The following LRRTM4 variants were observed in gnomAD, a reference collection of about 807,000 sequenced individuals.
LRRTM4 encodes the protein leucine rich repeat transmembrane neuronal 4, also known as leucine-rich repeat transmembrane neuronal protein 4.
In LRRTM4, 25 loss-of-function variants were observed where a neutral mutation model predicts 47.6. The observed-to-expected ratio is 0.53, with a 90% confidence interval of 0.38 to 0.73. The LOEUF (loss-of-function observed/expected upper bound fraction) is 0.73, where lower values mean the gene tolerates loss of function less well. LRRTM4 is among the 30% of genes least tolerant of loss of function. The probability of loss-of-function intolerance (pLI) is 0.00; values close to 1 mark genes in which losing one functional copy is unlikely to be tolerated. For synonymous variants in LRRTM4, 311 were observed against 269.5 expected (o/e 1.15, Z -1.51); for missense variants, 638 against 713.4 (o/e 0.89, Z 1.20).
chr2:77,470,561 A>T (rs1440190895), intron 3 of LRRTM4, among the ~76,000 whole-genome samples: 2 of 152,172 alleles, frequency 1.3e-5, no homozygotes, highest in Non-Finnish European at 2.9e-5. Context: ...AAGGAATGTT[A>T]CATCAGGTGC....
At chr2:77,247,681 A>G (rs2104005582) in intron 3 of LRRTM4, among the ~76,000 whole-genome samples, 1 of 152,216 alleles carries the variant, frequency 6.6e-6, no homozygotes, top group South Asian at 2.1e-4. Flanking sequence ...GTGATTGCTA[A>G]GAGGTTGGAG....
At chr2:77,418,528 C>CA (rs1307949577) in intron 3 of LRRTM4, among the ~76,000 whole-genome samples, 1 of 152,150 alleles carries the variant, frequency 6.6e-6, no homozygotes, top group Non-Finnish European at 1.5e-5. Context: ...ATTCTGTGCT[C>CA]AAAAATTTCC....
At chr2:76,781,720 C>G (rs139456185) in intron 3 of LRRTM4, among the ~76,000 whole-genome samples, 1 of 151,566 alleles carries the variant, frequency 6.6e-6, no homozygotes. Flanking sequence ...TCCTCTGCGT[C>G]GCTCACGCTG....
At chr2:77,114,697 C>T (rs180874972) in intron 3 of LRRTM4, among the ~76,000 whole-genome samples, 1 of 152,140 alleles carries the variant, frequency 6.6e-6, no homozygotes. Context: ...AGAAATTTTA[C>T]AGCTGGGCCT....
chr2:77,392,604 G>T (rs1275150618), intron 3 of LRRTM4, among the ~76,000 whole-genome samples: 1 of 151,916 alleles, frequency 6.6e-6, no homozygotes, highest in East Asian at 1.9e-4. Flanking sequence ...TTATGGTAAG[G>T]GAAATAAGCC....
At chr2:77,193,564 C>A (rs916364642) in intron 3 of LRRTM4, among the ~76,000 whole-genome samples, 1 of 150,978 alleles carries the variant, frequency 6.6e-6, no homozygotes, top group Non-Finnish European at 1.5e-5. Context: ...AATCCCAGCA[C>A]TTTGGGAAGC....
chr2:77,489,433 G>T (rs1385960967), intron 3 of LRRTM4, among the ~76,000 whole-genome samples: 1 of 152,098 alleles, frequency 6.6e-6, no homozygotes, highest in Non-Finnish European at 1.5e-5. Context: ...CTGAATTACG[G>T]TTACAAAAAT....
chr2:77,104,978 A>G (rs1203675713), intron 3 of LRRTM4, among the ~76,000 whole-genome samples: 3 of 152,154 alleles, frequency 2.0e-5, no homozygotes, highest in Non-Finnish European at 2.9e-5. Flanking sequence ...AGAGAGTTCA[A>G]GAAAAGCCAC....
chr2:77,139,809 A>C (rs955249336), intron 3 of LRRTM4, among the ~76,000 whole-genome samples: 2 of 152,164 alleles, frequency 1.3e-5, no homozygotes, highest in Admixed American at 6.5e-5. Flanking sequence ...CAAAAATCAC[A>C]AGCATTCATA....
At chr2:77,317,691 G>T (rs557959317) in intron 3 of LRRTM4, among the ~76,000 whole-genome samples, 14 of 152,220 alleles carry the variant, frequency 9.2e-5, no homozygotes, top group African/African-American at 3.1e-4. Context: ...AGTGCACTGT[G>T]GTGGGGTGAG....
chr2:77,012,324 CAG>C (rs1677905428), intron 3 of LRRTM4, among the ~76,000 whole-genome samples: 1 of 151,858 alleles, frequency 6.6e-6, no homozygotes, highest in Non-Finnish European at 1.5e-5. Flanking sequence ...TATTATAACA[CAG>C]AGGTTTGAAA....
intron 3 of LRRTM4, among the ~76,000 whole-genome samples, chr2:77,122,811 A>T (rs1671554091): frequency 6.6e-6 from 1 of 151,910 alleles, no homozygotes; most frequent in African/African-American, 2.4e-5. Flanking sequence ...CAAAACTAAG[A>T]AATTCCACAA....
chr2:77,158,197 A>T (rs1450780784), intron 3 of LRRTM4, among the ~76,000 whole-genome samples: 1 of 152,158 alleles, frequency 6.6e-6, no homozygotes, highest in African/African-American at 2.4e-5. Context: ...CGTTTGCTTT[A>T]TAATAATTCA....
intron 3 of LRRTM4, among the ~76,000 whole-genome samples, chr2:77,251,511 T>G (rs1300944972): frequency 6.6e-6 from 1 of 152,198 alleles, no homozygotes; most frequent in African/African-American, 2.4e-5. Context: ...TCAGAAGTTA[T>G]AATAAACAAC....
Position 77,066,184 on chromosome 2 carries a change from A to G in LRRTM4, c.1552-317268T>C, listed in dbSNP as rs114504140. On this transcript the variant is annotated intron_variant, in intron 3 of 3. Coordinates refer to ENST00000409884, the MANE Select transcript of LRRTM4 (RefSeq NM_001134745.3). The stretch of plus-strand genomic sequence containing the variant: ...GATACTGAGTTAGATTGCTTATTAT[A>G]AATTCCTGGTTCTATTAATTTCTAT... Among the ~76,000 whole-genome samples the G allele has an allele frequency of 1.0e-2, 1,518 of 152,254 alleles. 28 individuals are homozygous for G. The highest frequency in any genetic ancestry group is 0.034 in the African/African-American group (1,418 of 41,562).
At chr2:76,827,711 C>T (rs1474664006) in intron 3 of LRRTM4, among the ~76,000 whole-genome samples, 1 of 151,836 alleles carries the variant, frequency 6.6e-6, no homozygotes, top group African/African-American at 2.4e-5. Context: ...ATATTGAGTA[C>T]TGATAAGATT....
At chr2:77,363,548 C>T (rs187789056) in intron 3 of LRRTM4, among the ~76,000 whole-genome samples, 2 of 152,114 alleles carry the variant, frequency 1.3e-5, no homozygotes, top group Non-Finnish European at 1.5e-5. Flanking sequence ...ATCAGGGCCA[C>T]GCATAATTGC....
intron 3 of LRRTM4, among the ~76,000 whole-genome samples, chr2:77,321,599 G>GAAAAAAC (rs143163855): frequency 0.41 from 59,637 of 145,176 alleles, 15,202 homozygotes; most frequent in African/African-American, 0.7. Flanking sequence ...AAAGAAAAAA[G>GAAAAAAC]AAATGAATTG....
rs1233307114 is a variant in LRRTM4, at chr2:76,974,199, T to TAC, written c.1552-225284_1552-225283insGT. Reference sequence around the variant, plus strand: ...ATATATATACATACATATATATACATATATATATATACACATATATATACA... The same window carrying TAC: ...ATATATATACATACATATATATACATACATATATATATACACATATATATACA... On this transcript the variant is annotated intron_variant, in intron 3 of 3. Transcript: ENST00000409884. Among the ~76,000 whole-genome samples the TAC allele has an allele frequency of 0.028, 2,668 of 94,620 alleles. 89 individuals are homozygous for TAC. The East Asian group carries it at 0.29, about 10-fold the overall frequency. 62.1% of individuals were successfully genotyped at this position (94,620 alleles called of 152,430 possible). A position where few individuals can be genotyped will look rare whatever the true frequency, so the allele number is the denominator to read the frequency against.
Sources: gnomAD v4.1 joint callset for allele counts (sites outside exome capture counted in the v4.1 genomes callset) on GRCh38, gnomAD v4.1.1 for gene constraint, MANE v1.5 for transcripts, NCBI Gene and HGNC (gene_info 2026-07-23, HGNC 2026-07-21) for gene names.